Variants in FHIP1A observed in about 807,000 individuals in gnomAD.
FHIP1A encodes the protein FHF complex subunit HOOK interacting protein 1A.
Under a neutral mutation model 88.6 loss-of-function variants are expected in FHIP1A, and 61 were observed. The observed-to-expected ratio is 0.69, with a 90% CI of 0.56 to 0.85. The LOEUF (loss-of-function observed/expected upper bound fraction) is 0.85, where lower values mean the gene tolerates loss of function less well. FHIP1A is among the 40% of genes least tolerant of loss of function. The pLI, the probability that FHIP1A is intolerant of heterozygous loss-of-function variation, is 0.00. For synonymous variants in FHIP1A, 478 were observed against 496.0 expected (o/e 0.96, Z 0.48); for missense variants, 1,154 against 1,273.5 (o/e 0.91, Z 1.43).
At chr4:151,586,938 T>C in intron 6 of FHIP1A, 139 bp downstream of exon 6, 2 of 578,618 alleles carry the variant, frequency 3.5e-6, no homozygotes, top group Non-Finnish European at 2.7e-6. Context: ...GCCAATTGAA[T>C]GTCCTTGAAT....
intron 3 of FHIP1A, among the ~76,000 whole-genome samples, chr4:151,540,007 A>G (rs1447448282): frequency 1.3e-5 from 2 of 152,166 alleles, no homozygotes; most frequent in African/African-American, 4.8e-5. Context: ...CTCAACTTCA[A>G]GTAACCTAAA....
chr4:151,456,292 C>CT (rs35629152), intron 2 of FHIP1A, among the ~76,000 whole-genome samples: 1 of 151,954 alleles, frequency 6.6e-6, no homozygotes. Context: ...AACAAATGGG[C>CT]TTTTTTCAAG....
intron 5 of FHIP1A, among the ~76,000 whole-genome samples, chr4:151,585,455 A>G (rs1734175463): frequency 6.6e-6 from 1 of 152,188 alleles, no homozygotes; most frequent in Non-Finnish European, 1.5e-5. Context: ...CTGGGATTAC[A>G]GGCATGAGCC....
At chr4:151,592,277 G>A (rs1406218785) in intron 7 of FHIP1A, among the ~76,000 whole-genome samples, 1 of 152,106 alleles carries the variant, frequency 6.6e-6, no homozygotes, top group Non-Finnish European at 1.5e-5. Flanking sequence ...TGGGACCACA[G>A]GCGCCCGCCA....
intron 7 of FHIP1A, among the ~76,000 whole-genome samples, chr4:151,598,182 C>T (rs1000605869): frequency 6.6e-6 from 1 of 152,146 alleles, no homozygotes; most frequent in Non-Finnish European, 1.5e-5. Context: ...CTGAGGGAAT[C>T]TCCTGGTCTG....
chr4:151,512,987 A>T (rs1337015995), intron 3 of FHIP1A, among the ~76,000 whole-genome samples: 1 of 152,206 alleles, frequency 6.6e-6, no homozygotes, highest in Non-Finnish European at 1.5e-5. Flanking sequence ...AGCAACTCCA[A>T]GACACATAAT....
intron 7 of FHIP1A, among the ~76,000 whole-genome samples, chr4:151,593,357 A>G (rs1273923821): frequency 6.6e-6 from 1 of 152,196 alleles, no homozygotes; most frequent in African/African-American, 2.4e-5. Context: ...TTTGGGCAGT[A>G]TGGCCATTTT....
chr4:151,445,760 CAGG>C (rs1232892984), intron 1 of FHIP1A, among the ~76,000 whole-genome samples: 1 of 149,964 alleles, frequency 6.7e-6, no homozygotes, highest in Admixed American at 6.7e-5. Flanking sequence ...GAGGCTAAGG[CAGG>C]AGGATTGCTT....
chr4:151,652,203 A>T (rs955198459), intron 11 of FHIP1A, among the ~76,000 whole-genome samples: 1 of 152,232 alleles, frequency 6.6e-6, no homozygotes, highest in African/African-American at 2.4e-5. Context: ...ATTAAATAAC[A>T]TCAATATTTT....
rs542851328 is a variant in FHIP1A, at chr4:151,527,271, C to A, written c.-122-38867C>A. Among the ~76,000 whole-genome samples the A allele has an allele frequency of 7.2e-5, 11 of 152,312 alleles. No homozygotes were observed. The East Asian group carries it at 1.2e-3, about 16-fold the overall frequency. Reference sequence around the variant, plus strand: ...GTGAACGAGACTCCGTCTGCAATCCCGGCACCTCGGGAGGCCGAGGCTGGC... The same window carrying A: ...GTGAACGAGACTCCGTCTGCAATCCAGGCACCTCGGGAGGCCGAGGCTGGC... On this transcript the variant is annotated intron_variant, in intron 3 of 13. Transcript: ENST00000435205.
intron 3 of FHIP1A, among the ~76,000 whole-genome samples, chr4:151,539,654 G>A (rs1048247822): frequency 7.9e-5 from 12 of 151,574 alleles, no homozygotes; most frequent in Non-Finnish European, 1.3e-4. Context: ...ATTCTCTCTG[G>A]AAAGTACATT....
intron 6 of FHIP1A, among the ~76,000 whole-genome samples, chr4:151,588,534 G>A (rs937018368): frequency 6.6e-5 from 10 of 152,120 alleles, no homozygotes; most frequent in African/African-American, 2.4e-4. Flanking sequence ...TATGGTATGT[G>A]TAAGTATGAA....
intron 5 of FHIP1A, 125 bp downstream of exon 5, chr4:151,578,201 G>A (rs897102085): frequency 2.2e-5 from 19 of 859,066 alleles, no homozygotes; most frequent in Non-Finnish European, 3.0e-5. Context: ...CCTATGGAAG[G>A]ATGTTTAGAG....
chr4:151,588,900 C>T lies in FHIP1A; in HGVS notation c.952C>T (p.Pro318Ser), dbSNP rs370471437. Residue 318 changes from proline to serine, a missense_variant, in exon 7 of 14, where the codon CCA (proline) becomes TCA (serine). Coordinates refer to ENST00000435205, the MANE Select transcript of FHIP1A (RefSeq NM_001109977.3). ...TTACATTTACAATGGATTTTTGGTA[C>T]CAGTCTTGGCTCCTGCTCTCCATAA... ...VNYIYNGFLV[P>S]VLAPALHKVT... 39 of 1,550,664 alleles carry T rather than the reference C, an allele frequency of 2.5e-5. No homozygotes were observed. The highest frequency in any genetic ancestry group is 3.2e-5 in the Non-Finnish European group (37 of 1,146,272).
intron 11 of FHIP1A, among the ~76,000 whole-genome samples, chr4:151,653,146 T>C (rs1737092808): frequency 6.6e-6 from 1 of 152,148 alleles, no homozygotes; most frequent in Non-Finnish European, 1.5e-5. Context: ...TGCTAAGGTG[T>C]ACATACAGGG....
chr4:151,638,574 A>AT, intron 8 of FHIP1A, 103 bp from the exon 9 acceptor site: 1 of 657,908 alleles, frequency 1.5e-6, no homozygotes, highest in Non-Finnish European at 2.5e-6. Context: ...CTAAAAAAAA[A>AT]AAAAGGCCAT....
intron 3 of FHIP1A, among the ~76,000 whole-genome samples, chr4:151,523,601 G>A (rs1212035183): frequency 6.6e-6 from 1 of 152,168 alleles, no homozygotes; most frequent in Non-Finnish European, 1.5e-5. Flanking sequence ...GGTGCTCTTA[G>A]GGGTTGGGAG....
chr4:151,640,216 G>A (rs2126893596), intron 9 of FHIP1A, among the ~76,000 whole-genome samples: 1 of 152,308 alleles, frequency 6.6e-6, no homozygotes, highest in East Asian at 1.9e-4. Context: ...ATGCCGTGCA[G>A]GCATAACATC....
chr4:151,531,128 A>C (rs114252954), intron 3 of FHIP1A, among the ~76,000 whole-genome samples: 2,642 of 152,060 alleles, frequency 0.017, 84 homozygotes, highest in African/African-American at 0.059. Flanking sequence ...TCATGCTTCT[A>C]ATGTATTTGG....
Sources: gnomAD v4.1 joint callset for allele counts (sites outside exome capture counted in the v4.1 genomes callset) on GRCh38, gnomAD v4.1.1 for gene constraint, MANE v1.5 for transcripts, NCBI Gene and HGNC (gene_info 2026-07-23, HGNC 2026-07-21) for gene names.